The following ZNF267 variants were observed in gnomAD, a reference collection of about 807,000 sequenced individuals.
ZNF267 encodes the protein zinc finger protein 267.
ZNF267 carries 61 observed loss-of-function variants against 71.6 expected under a neutral mutation model. The ratio of observed to expected loss-of-function variants is 0.85; its 90% CI spans 0.69 to 1.05. The LOEUF is 1.05. Among genes scored for constraint, ZNF267 ranks in the 50% least tolerant of loss-of-function variants. ZNF267 has a pLI of 0.00. For synonymous variants in ZNF267, 288 were observed against 293.2 expected (o/e 0.98, Z 0.18); for missense variants, 852 against 870.0 (o/e 0.98, Z 0.26).
At position 31,880,894 on chromosome 16, in the gene ZNF267, G is replaced by C. The variant is rs572570686; in HGVS notation, c.4-3604G>C. ...AGCAGCCATAGTCCCTACCATCCAG[G>C]AACTTTCAGTCTAAAGCAGACGGAT... is the stretch of plus-strand genomic sequence containing the variant. On this transcript the variant is annotated intron_variant, in intron 1 of 3. Coordinates refer to ENST00000300870, the MANE Select transcript of ZNF267 (RefSeq NM_003414.6). Among the ~76,000 whole-genome samples the C allele has an allele frequency of 9.9e-5, 15 of 152,240 alleles. No homozygotes were observed. In the South Asian group the frequency reaches 2.7e-3, roughly 27 times the overall value.
intron 3 of ZNF267, among the ~76,000 whole-genome samples, chr16:31,900,368 A>C (rs2084030091): frequency 6.6e-6 from 1 of 152,212 alleles, no homozygotes; most frequent in African/African-American, 2.4e-5. Context: ...AATATAAAGA[A>C]CTGACTCCTT....
chr16:31,885,034 A>AT lies in ZNF267; in HGVS notation c.131-121dup, dbSNP rs1466540649. 1.5e-5 allele frequency: 9 copies of AT among 616,096 alleles called. No individual in the cohort carries two copies. The African/African-American group carries it at 1.5e-4, about 11-fold the overall frequency. 38.2% of individuals were successfully genotyped at this position (616,096 alleles called of 1,614,324 possible). On this transcript the variant is annotated intron_variant, in intron 2 of 3. Transcript: ENST00000300870. ...TTTCAAGAATCTTCTATAATGTCTT[A>AT]TTTTTTCTACTGAGCACAGTACTAA...
intron 3 of ZNF267, chr16:31,895,113 G>T: frequency 5.1e-6 from 1 of 195,226 alleles, no homozygotes; most frequent in South Asian, 8.8e-5. Context: ...CTTGCCATGG[G>T]AGCTGATGAG....
At chr16:31,913,109 C>T (rs936481524) in intron 3 of ZNF267, 4 of 152,142 alleles carry the variant, frequency 2.6e-5, no homozygotes, top group African/African-American at 4.8e-5. Flanking sequence ...TTATTGTAGC[C>T]TTCGCAGTCT....
chr16:31,894,386 ATC>A lies in ZNF267; in HGVS notation c.226+9134_226+9135del, dbSNP rs530960231. ...TTATAGCTTGAAGAACCATCAGAAGATCTCTTTCCGTTCATGTTTGATGTATT... is the reference window on the plus strand; with the variant it reads ...TTATAGCTTGAAGAACCATCAGAAGATCTTTCCGTTCATGTTTGATGTATT... On this transcript the variant is annotated intron_variant, in intron 3 of 3. Transcript: ENST00000300870. Among the ~76,000 whole-genome samples the A allele has an allele frequency of 4.0e-3, 601 of 151,586 alleles. 3 individuals carry two copies. Among genetic ancestry groups the A allele is most frequent in the Non-Finnish European group, 6.7e-3 (457 of 67,946 alleles).
rs771944302 is a variant in ZNF267 at position 31,915,344 on chromosome 16, A to G, written c.1095A>G (p.Leu365=). Residue 365 remains leucine, a synonymous_variant, in exon 4 of 4, where the codon TTA becomes TTG. Transcript: ENST00000300870. The part of the protein sequence containing the change: ...CGKVFNLNCS[L]YLTKQQQIDT... Reference sequence around the variant, plus strand: ...AGGTCTTTAACCTTAACTGTAGTTTATACCTTACTAAACAGCAGCAAATTG... The same window carrying G: ...AGGTCTTTAACCTTAACTGTAGTTTGTACCTTACTAAACAGCAGCAAATTG... 1 of 1,613,756 alleles carries G rather than the reference A, an allele frequency of 6.2e-7. No individual in the cohort carries two copies. Among genetic ancestry groups the G allele is most frequent in the African/African-American group, 1.3e-5 (1 of 75,042 alleles).
intron 3 of ZNF267, among the ~76,000 whole-genome samples, chr16:31,910,217 C>A (rs899225384): frequency 6.8e-6 from 1 of 148,094 alleles, no homozygotes; most frequent in Non-Finnish European, 1.5e-5. Flanking sequence ...CAGTTTTCAT[C>A]TTTTGATGTA....
Position 31,915,010 on chromosome 16 carries a change from T to C in ZNF267, c.761T>C (p.Leu254Pro). 6.2e-7 allele frequency: 1 copy of C among 1,609,296 alleles called. No individual in the cohort carries two copies. Among genetic ancestry groups the C allele is most frequent in the South Asian group, 1.1e-5 (1 of 89,516 alleles). The change falls in exon 4 of 4, where the codon CTT (leucine) becomes CCT (proline). Residue 254 changes from leucine (L) to proline (P), a missense_variant. By Grantham distance (98) the Leu-to-Pro change is moderately conservative. Coordinates refer to ENST00000300870, the MANE Select transcript of ZNF267 (RefSeq NM_003414.6). The part of the protein sequence containing the change: ...YKCKEFEEVF[L>P]QSMHGQEKQE... Reference sequence around the variant, plus strand: ...TGTAAAGAATTTGAGGAAGTCTTTCTTCAGAGTATGCATGGGCAAGAGAAA... The same window carrying C: ...TGTAAAGAATTTGAGGAAGTCTTTCCTCAGAGTATGCATGGGCAAGAGAAA...
chr16:31,874,246 G>C, intron 1 of ZNF267: 1 of 438,462 alleles, frequency 2.3e-6, no homozygotes, highest in Non-Finnish European at 4.1e-6. Context: ...GCAGCCCCGC[G>C]TCTCCCCCAG....
chr16:31,874,104 C>A, intron 1 of ZNF267, 135 bp downstream of exon 1: 1 of 950,896 alleles, frequency 1.1e-6, no homozygotes, highest in Non-Finnish European at 1.6e-6. Context: ...ACTGGTGCAG[C>A]TCGGCCCTCG....
intron 3 of ZNF267, among the ~76,000 whole-genome samples, chr16:31,893,244 G>A (rs2083973652): frequency 6.6e-6 from 1 of 152,234 alleles, no homozygotes; most frequent in Non-Finnish European, 1.5e-5. Flanking sequence ...TTCAGCCACT[G>A]CTGGAGCCGC....
At chr16:31,903,944 G>A (rs1310422358) in intron 3 of ZNF267, among the ~76,000 whole-genome samples, 9 of 151,798 alleles carry the variant, frequency 5.9e-5, no homozygotes, top group South Asian at 4.2e-4. Flanking sequence ...ATTTCCCTCT[G>A]CACACTGCTT....
intron 3 of ZNF267, among the ~76,000 whole-genome samples, chr16:31,888,235 A>G (rs1247210272): frequency 1.3e-5 from 2 of 151,934 alleles, no homozygotes; most frequent in Non-Finnish European, 2.9e-5. Context: ...TACTGAATGG[A>G]TATATTAGCT....
chr16:31,875,104 C>T (rs1458495382), intron 1 of ZNF267: 3 of 1,287,806 alleles, frequency 2.3e-6, no homozygotes, highest in East Asian at 1.1e-4. Flanking sequence ...GACACGTTAT[C>T]GGAAAGAATG....
intron 3 of ZNF267, among the ~76,000 whole-genome samples, chr16:31,897,134 C>CAA (rs1335498398): frequency 1.5e-5 from 2 of 132,596 alleles, no homozygotes; most frequent in African/African-American, 5.4e-5. Flanking sequence ...CACCAAACAC[C>CAA]AAAAAAACAA....
intron 1 of ZNF267, chr16:31,875,278 A>G: frequency 2.3e-6 from 3 of 1,289,224 alleles, no homozygotes; most frequent in Non-Finnish European, 3.0e-6. Context: ...GCCCCAGGTC[A>G]CCTCCTGTTA....
chr16:31,914,246 C>A, intron 3 of ZNF267: 1 of 451,998 alleles, frequency 2.2e-6, no homozygotes, highest in Non-Finnish European at 3.9e-6. Context: ...TGCTGAGGGG[C>A]AAGGGCAAGG....
intron 3 of ZNF267, among the ~76,000 whole-genome samples, chr16:31,886,089 T>C (rs2083922277): frequency 6.6e-6 from 1 of 152,126 alleles, no homozygotes; most frequent in Non-Finnish European, 1.5e-5. Context: ...CTTTAGTTCC[T>C]TTTTTTTCTT....
chr16:31,886,815 G>C (rs1024367745), intron 3 of ZNF267, among the ~76,000 whole-genome samples: 1 of 152,086 alleles, frequency 6.6e-6, no homozygotes, highest in African/African-American at 2.4e-5. Context: ...TGAATAATTG[G>C]CTATGAACAT....
Sources: gnomAD v4.1 joint callset for allele counts (sites outside exome capture counted in the v4.1 genomes callset) on GRCh38, gnomAD v4.1.1 for gene constraint, MANE v1.5 for transcripts, NCBI Gene and HGNC (gene_info 2026-07-23, HGNC 2026-07-21) for gene names.